WWTR1: variants seen among roughly 807,000 people sequenced by gnomAD.
WWTR1 encodes the protein WW domain-containing transcription regulator protein 1.
Under a neutral mutation model 40.1 loss-of-function variants are expected in WWTR1, and 13 were observed. The ratio of observed to expected loss-of-function variants is 0.32; its 90% CI spans 0.21 to 0.52. WWTR1 has a LOEUF of 0.52. Ranked by LOEUF, WWTR1 falls within the 20% of genes least tolerant of loss-of-function variation. The probability of loss-of-function intolerance (pLI) is 0.97; values close to 1 mark genes in which losing one functional copy is unlikely to be tolerated. For missense variants in WWTR1, 436 were observed against 523.1 expected, an observed-to-expected ratio of 0.83 and a Z score of 1.63; for synonymous variants, 230 against 210.1, an observed-to-expected ratio of 1.09 and a Z score of -0.82.
chr3:149,539,767 A>G (rs892933130), intron 4 of WWTR1, among the ~76,000 whole-genome samples: 1 of 152,128 alleles, frequency 6.6e-6, no homozygotes, highest in African/African-American at 2.4e-5. Context: ...CTTAGGTTCA[A>G]AAAGTGAAGC....
At chr3:149,633,490 G>C (rs1711650368) in intron 2 of WWTR1, among the ~76,000 whole-genome samples, 1 of 152,208 alleles carries the variant, frequency 6.6e-6, no homozygotes, top group Admixed American at 6.5e-5. Flanking sequence ...AGGAAACCAA[G>C]TAAAAAGTCC....
chr3:149,606,996 A>G (rs1393809649), intron 2 of WWTR1, among the ~76,000 whole-genome samples: 13 of 152,220 alleles, frequency 8.5e-5, no homozygotes, highest in Admixed American at 8.5e-4. Context: ...TGCTTTCGCT[A>G]TTGTTGGACT....
chr3:149,674,559 C>T (rs1714199941), intron 1 of WWTR1, among the ~76,000 whole-genome samples: 4 of 151,658 alleles, frequency 2.6e-5, no homozygotes, highest in African/African-American at 4.8e-5. Context: ...TGCACTCCAT[C>T]TTGGGTGACA....
intron 2 of WWTR1, among the ~76,000 whole-genome samples, chr3:149,654,919 A>C (rs2864420): frequency 0.084 from 12,546 of 148,946 alleles, 1,322 homozygotes; most frequent in African/African-American, 0.25. Context: ...GTCAGGAGAT[A>C]GAGACCATCC....
chr3:149,549,839 A>AAAAAAAC (rs920477438), intron 3 of WWTR1, among the ~76,000 whole-genome samples: 8 of 152,088 alleles, frequency 5.3e-5, no homozygotes, highest in Admixed American at 2.6e-4. Context: ...ACCTTGTCTC[A>AAAAAAAC]AAAAAACAAA....
At chr3:149,608,484 C>T (rs921405640) in intron 2 of WWTR1, among the ~76,000 whole-genome samples, 9 of 151,762 alleles carry the variant, frequency 5.9e-5, no homozygotes, top group African/African-American at 2.2e-4. Flanking sequence ...CTCCTGGGTT[C>T]AAGCCATTTT....
chr3:149,640,818 T>C (rs1157418888), intron 2 of WWTR1, among the ~76,000 whole-genome samples: 3 of 152,162 alleles, frequency 2.0e-5, no homozygotes, highest in Non-Finnish European at 4.4e-5. Flanking sequence ...TTTTGGTCTA[T>C]CATAATAAAA....
chr3:149,613,686 T>C (rs754394624), intron 2 of WWTR1, among the ~76,000 whole-genome samples: 8 of 152,140 alleles, frequency 5.3e-5, no homozygotes, highest in Non-Finnish European at 8.8e-5. Flanking sequence ...TAGTTGAAAC[T>C]ACAGGCACAT....
At chr3:149,658,918 C>A (rs1480755938), upstream of WWTR1, among the ~76,000 whole-genome samples, 1 of 152,176 alleles carries the variant, frequency 6.6e-6, no homozygotes, top group Non-Finnish European at 1.5e-5. Flanking sequence ...GGGATGGAAC[C>A]CGAGCAGGTG....
intron 2 of WWTR1, among the ~76,000 whole-genome samples, chr3:149,577,810 C>CA (rs1737956190): frequency 6.6e-6 from 1 of 151,956 alleles, no homozygotes; most frequent in Non-Finnish European, 1.5e-5. Flanking sequence ...GTGGCACTCC[C>CA]ACCCTCCAAG....
intron 2 of WWTR1, among the ~76,000 whole-genome samples, chr3:149,618,464 A>C (rs979921952): frequency 2.0e-5 from 3 of 152,232 alleles, no homozygotes; most frequent in Non-Finnish European, 4.4e-5. Context: ...CAAGGCAGGC[A>C]AGAGGCTAGA....
intron 2 of WWTR1, among the ~76,000 whole-genome samples, chr3:149,595,753 C>T (rs557227517): frequency 1.3e-3 from 192 of 152,248 alleles, no homozygotes; most frequent in Middle Eastern, 3.4e-3. Context: ...CATAATTGGG[C>T]GAGGCGCGGT....
chr3:149,696,337 C>T (rs562751617), intron 1 of WWTR1, among the ~76,000 whole-genome samples: 1 of 152,192 alleles, frequency 6.6e-6, no homozygotes, highest in South Asian at 2.1e-4. Context: ...TGGCTCCTCC[C>T]TTTGCTTTGA....
At chr3:149,532,156 G>A (rs1735610598) in intron 4 of WWTR1, among the ~76,000 whole-genome samples, 1 of 152,294 alleles carries the variant, frequency 6.6e-6, no homozygotes. Context: ...ACCCAAGAAG[G>A]CTGCTGTGAT....
At chr3:149,613,494 A>G (rs555031765) in intron 2 of WWTR1, among the ~76,000 whole-genome samples, 1 of 152,176 alleles carries the variant, frequency 6.6e-6, no homozygotes, top group East Asian at 1.9e-4. Flanking sequence ...AATACAGCCA[A>G]TCTCCACTCC....
intron 2 of WWTR1, among the ~76,000 whole-genome samples, chr3:149,611,110 C>T (rs540522682): frequency 2.6e-5 from 4 of 152,262 alleles, no homozygotes; most frequent in South Asian, 4.1e-4. Flanking sequence ...GCTATGATTG[C>T]ACCACTGCTC....
chr3:149,597,711 T>TA (rs1739063472), intron 2 of WWTR1, among the ~76,000 whole-genome samples: 1 of 152,182 alleles, frequency 6.6e-6, no homozygotes, highest in African/African-American at 2.4e-5. Context: ...AAGCTAAGTT[T>TA]AAAATATAAA....
At chr3:149,713,996 C>A (rs567435873) in intron 5 of WWTR1, among the ~76,000 whole-genome samples, 349 of 152,352 alleles carry the variant, frequency 2.3e-3, no homozygotes, top group Non-Finnish European at 3.9e-3. Context: ...GTCTCTGGAG[C>A]CTGCCCTGGG....
At chr3:149,661,922 G>A (rs1008144713), upstream of WWTR1, among the ~76,000 whole-genome samples, 3 of 151,526 alleles carry the variant, frequency 2.0e-5, no homozygotes, top group Non-Finnish European at 2.9e-5. Context: ...TAGTAGAGAC[G>A]GGGTTTCACC....
Sources: gnomAD v4.1 joint callset for allele counts (sites outside exome capture counted in the v4.1 genomes callset) on GRCh38, gnomAD v4.1.1 for gene constraint, MANE v1.5 for transcripts, NCBI Gene and HGNC (gene_info 2026-07-23, HGNC 2026-07-21) for gene names.